The following UBR1 variants were observed in gnomAD, a reference collection of about 807,000 sequenced individuals.
The protein encoded by UBR1 is ubiquitin protein ligase E3 component n-recognin 1, also known as E3 ubiquitin-protein ligase UBR1.
In UBR1, 102 loss-of-function variants were observed where a neutral mutation model predicts 242.1. The ratio of observed to expected loss-of-function variants is 0.42; its 90% CI spans 0.36 to 0.50. The LOEUF is 0.50. Among genes scored for constraint, UBR1 ranks in the 20% least tolerant of loss-of-function variants. The pLI, the probability that UBR1 is intolerant of heterozygous loss-of-function variation, is 0.01. For synonymous variants in UBR1, 675 were observed against 684.8 expected (o/e 0.99, Z 0.22); for missense variants, 1,772 against 2,101.8 (o/e 0.84, Z 3.07).
At chr15:43,004,209 G>A (rs2032768421) in intron 30 of UBR1, among the ~76,000 whole-genome samples, 2 of 152,110 alleles carry the variant, frequency 1.3e-5, no homozygotes, top group African/African-American at 4.8e-5. Context: ...GGTTATTTAA[G>A]TGATCTTCTA....
In UBR1 at chr15:43,056,457, T is replaced by C. The variant is rs1425732157; in HGVS notation, c.1183-15A>G. The C allele has an allele frequency of 6.5e-7, 1 of 1,542,806 alleles. No homozygotes were observed. ...TGTTTATAATACTGAAATATATAAG[T>C]AGAGAATCAATTATAAATCACTACT... On this transcript the variant is annotated splice_polypyrimidine_tract_variant and intron_variant, in intron 10 of 46. Coordinates refer to ENST00000290650, the MANE Select transcript of UBR1 (RefSeq NM_174916.3).
intron 14 of UBR1, among the ~76,000 whole-genome samples, chr15:43,045,471 A>AAC (rs1199013873): frequency 2.0e-5 from 3 of 151,766 alleles, no homozygotes; most frequent in Admixed American, 6.6e-5. Flanking sequence ...TGTCTCTAAA[A>AAC]ACACACACAC....
intron 46 of UBR1, among the ~76,000 whole-genome samples, chr15:42,945,684 T>C (rs1289442555): frequency 6.6e-6 from 1 of 152,222 alleles, no homozygotes; most frequent in Non-Finnish European, 1.5e-5. Flanking sequence ...CCTTGACCAT[T>C]CATAAAATAG....
At chr15:43,061,746 G>A (rs1240823140) in intron 6 of UBR1, among the ~76,000 whole-genome samples, 1 of 151,402 alleles carries the variant, frequency 6.6e-6, no homozygotes, top group African/African-American at 2.4e-5. Context: ...CTGATGTGTG[G>A]GAGCTAAGCT....
chr15:42,959,486 G>A (rs757581186), intron 43 of UBR1, among the ~76,000 whole-genome samples: 2 of 151,994 alleles, frequency 1.3e-5, no homozygotes, highest in Non-Finnish European at 2.9e-5. Flanking sequence ...TATACTTTAT[G>A]TTATAATGTC....
intron 35 of UBR1, 193 bp downstream of exon 35, chr15:42,988,626 C>T (rs1239221350): frequency 4.2e-6 from 3 of 721,840 alleles, no homozygotes; most frequent in African/African-American, 1.8e-5. Context: ...TGGCCACAAT[C>T]ATAGTTAAAA....
intron 14 of UBR1, among the ~76,000 whole-genome samples, chr15:43,044,008 A>C (rs1181639937): frequency 4.6e-5 from 7 of 152,352 alleles, no homozygotes; most frequent in African/African-American, 1.7e-4. Context: ...AAGAATATGC[A>C]TAATTTAAGT....
At chr15:43,099,645 T>A (rs1443816503) in intron 1 of UBR1, among the ~76,000 whole-genome samples, 1 of 152,158 alleles carries the variant, frequency 6.6e-6, no homozygotes, top group Admixed American at 6.5e-5. Context: ...CCTCTCTACC[T>A]CAGTGTCTTC....
intron 39 of UBR1, among the ~76,000 whole-genome samples, chr15:42,973,616 G>GCTGT (rs2032241287): frequency 6.6e-6 from 1 of 151,520 alleles, no homozygotes; most frequent in African/African-American, 2.4e-5. Flanking sequence ...TTTAAATTGG[G>GCTGT]TTGTTTTCTT....
chr15:42,957,696 G>A (rs750273607), intron 44 of UBR1, among the ~76,000 whole-genome samples: 3 of 151,916 alleles, frequency 2.0e-5, no homozygotes, highest in Admixed American at 1.3e-4. Flanking sequence ...GCAACATAAC[G>A]AAACCTTGTC....
intron 15 of UBR1, among the ~76,000 whole-genome samples, chr15:43,042,143 CAT>C (rs1461165903): frequency 2.0e-5 from 3 of 152,090 alleles, no homozygotes; most frequent in Non-Finnish European, 4.4e-5. Context: ...AAAAACCAAA[CAT>C]AGAATTCCCA....
chr15:43,059,275 G>A (rs1297381106), intron 8 of UBR1, 83 bp from the exon 9 acceptor site: 38 of 1,306,866 alleles, frequency 2.9e-5, no homozygotes, highest in Non-Finnish European at 3.8e-5. Context: ...CTGTTGCCCA[G>A]GTTGGTCTTG....
intron 6 of UBR1, among the ~76,000 whole-genome samples, chr15:43,064,817 G>A (rs1369297370): frequency 6.6e-5 from 10 of 151,870 alleles, no homozygotes; most frequent in East Asian, 1.9e-4. Context: ...TGATCCGCCC[G>A]CCTCAGCCTC....
intron 40 of UBR1, among the ~76,000 whole-genome samples, chr15:42,968,570 C>T (rs184842710): frequency 9.9e-5 from 15 of 151,976 alleles, no homozygotes; most frequent in African/African-American, 3.1e-4. Context: ...GCAGAACGTG[C>T]AGGTTTGTTA....
At chr15:43,006,736 C>T (rs1298943177) in intron 30 of UBR1, among the ~76,000 whole-genome samples, 1 of 151,762 alleles carries the variant, frequency 6.6e-6, no homozygotes, top group African/African-American at 2.4e-5. Context: ...ACACATTATA[C>T]AAAGCAAGTG....
At chr15:42,954,109 T>G (rs988369439) in intron 44 of UBR1, among the ~76,000 whole-genome samples, 1 of 152,002 alleles carries the variant, frequency 6.6e-6, no homozygotes, top group Non-Finnish European at 1.5e-5. Context: ...GGTCTTGAAC[T>G]CCTGAGTTCA....
chr15:43,025,621 T>C (rs2033168629), intron 23 of UBR1, 192 bp from the exon 24 acceptor site: 7 of 567,814 alleles, frequency 1.2e-5, no homozygotes, highest in Non-Finnish European at 2.2e-5. Flanking sequence ...ATGAGGAATA[T>C]CCCTGATCAA....
chr15:43,086,984 C>T (rs542997689), intron 1 of UBR1, among the ~76,000 whole-genome samples: 97 of 152,176 alleles, frequency 6.4e-4, no homozygotes, highest in African/African-American at 2.2e-3. Flanking sequence ...ACTTCAGCCT[C>T]GACAACACAT....
chr15:43,016,197 C>T (rs1047462183), intron 28 of UBR1, among the ~76,000 whole-genome samples: 2 of 152,176 alleles, frequency 1.3e-5, no homozygotes, highest in African/African-American at 2.4e-5. Context: ...TAATCACTGA[C>T]AATTTAAACA....
Sources: allele counts gnomAD v4.1 joint callset (sites outside exome capture counted in the v4.1 genomes callset), GRCh38; gene constraint gnomAD v4.1.1; transcripts MANE v1.5; gene names NCBI Gene and HGNC (gene_info 2026-07-23, HGNC 2026-07-21).